Variants in LRRK1 observed in about 807,000 individuals in gnomAD.
LRRK1 encodes leucine rich repeat kinase 1, also known as leucine-rich repeat serine/threonine-protein kinase 1.
In LRRK1, 113 loss-of-function variants were observed where a neutral mutation model predicts 209.1. The ratio of observed to expected loss-of-function variants is 0.54; its 90% CI spans 0.46 to 0.63. The LOEUF (loss-of-function observed/expected upper bound fraction) is 0.63. Among genes scored for constraint, LRRK1 ranks in the 30% least tolerant of loss-of-function variants. The pLI is 0.00. For missense variants in LRRK1, 2,284 were observed against 2,632.2 expected (o/e 0.87, Z 2.89); for synonymous variants, 1,144 against 1,099.7 (o/e 1.04, Z -0.80).
intron 20 of LRRK1, among the ~76,000 whole-genome samples, chr15:101,033,338 C>G (rs565122752): frequency 6.6e-6 from 1 of 152,108 alleles, no homozygotes; most frequent in African/African-American, 2.4e-5. Flanking sequence ...TGCTAACTAT[C>G]GTCACCCTAG....
chr15:101,026,196 C>T, intron 17 of LRRK1, 59 bp downstream of exon 17: 1 of 1,528,714 alleles, frequency 6.5e-7, no homozygotes, highest in Non-Finnish European at 9.0e-7. Flanking sequence ...GCTGATCTTT[C>T]CTGGGATCAG....
chr15:100,970,160 G>T (rs1431086786), intron 2 of LRRK1, among the ~76,000 whole-genome samples: 2 of 152,134 alleles, frequency 1.3e-5, no homozygotes, highest in Non-Finnish European at 2.9e-5. Context: ...AAAGTGCTGG[G>T]ATTATAGGCA....
At chr15:101,011,391 G>C (rs147301616) in intron 9 of LRRK1, among the ~76,000 whole-genome samples, 2 of 150,796 alleles carry the variant, frequency 1.3e-5, no homozygotes, top group East Asian at 3.9e-4. Context: ...CCAGGGAATT[G>C]CTTTTACCGG....
intron 31 of LRRK1, chr15:101,065,114 T>C: frequency 1.7e-6 from 1 of 575,248 alleles, no homozygotes; most frequent in Non-Finnish European, 3.1e-6. Context: ...AGGCCCTGCC[T>C]CTGGGTGGCA....
At position 101,049,551 on chromosome 15, in the gene LRRK1, G is replaced by A. The variant is rs377225363; in HGVS notation, c.3300-93G>A. 553 of 1,447,334 alleles carry A rather than the reference G, an allele frequency of 3.8e-4. 6 individuals carry two copies. The East Asian group carries it at 7.7e-3, about 20-fold the overall frequency. The allele number at this position is 1,447,334 out of a possible 1,614,324, so 89.7% of individuals were successfully genotyped here. ...GGGCACAGAGTCTCTCCAGGTCCCCGGGGGTTGGTTCCTGTCCCTGGGGGT... is the reference window on the plus strand; with the variant it reads ...GGGCACAGAGTCTCTCCAGGTCCCCAGGGGTTGGTTCCTGTCCCTGGGGGT... On this transcript the variant is annotated intron_variant, in intron 22 of 33. Coordinates refer to ENST00000388948, the MANE Select transcript of LRRK1 (RefSeq NM_024652.6).
At chr15:100,925,425 G>A (rs914320254) in intron 2 of LRRK1, among the ~76,000 whole-genome samples, 3 of 152,196 alleles carry the variant, frequency 2.0e-5, no homozygotes, top group Non-Finnish European at 4.4e-5. Flanking sequence ...TGCAGTTATT[G>A]ACCTAATCCT....
chr15:100,972,063 A>G (rs1486278236), intron 2 of LRRK1, among the ~76,000 whole-genome samples: 1 of 151,984 alleles, frequency 6.6e-6, no homozygotes, highest in Non-Finnish European at 1.5e-5. Flanking sequence ...CCTGGGTTCA[A>G]GTGATCCTCG....
intron 12 of LRRK1, among the ~76,000 whole-genome samples, chr15:101,019,636 C>T (rs1448977388): frequency 1.3e-5 from 2 of 152,114 alleles, no homozygotes; most frequent in Admixed American, 1.3e-4. Flanking sequence ...AGAGCCGAGG[C>T]GGGGTAGCTA....
At chr15:100,991,067 C>T (rs1362678185) in intron 6 of LRRK1, among the ~76,000 whole-genome samples, 2 of 152,192 alleles carry the variant, frequency 1.3e-5, no homozygotes, top group Non-Finnish European at 2.9e-5. Context: ...AGATAGCCAG[C>T]TACTCTAGCA....
intron 16 of LRRK1, among the ~76,000 whole-genome samples, chr15:101,025,706 C>T (rs1208631380): frequency 6.6e-6 from 1 of 152,210 alleles, no homozygotes; most frequent in Non-Finnish European, 1.5e-5. Flanking sequence ...CCCATTACTG[C>T]AGGAAGGTGC....
intron 6 of LRRK1, among the ~76,000 whole-genome samples, chr15:100,998,902 A>G (rs1418114790): frequency 6.6e-6 from 1 of 152,166 alleles, no homozygotes; most frequent in African/African-American, 2.4e-5. Context: ...GTGGGTGGAT[A>G]GATGGATGGA....
chr15:100,952,915 T>C (rs1231659536), intron 2 of LRRK1, among the ~76,000 whole-genome samples: 1 of 152,238 alleles, frequency 6.6e-6, no homozygotes, highest in East Asian at 1.9e-4. Context: ...CAAAATTAAC[T>C]CTAGGGCCAC....
In LRRK1 at chr15:100,948,793, A is replaced by G. The variant is rs377294785; in HGVS notation, c.97+24064A>G. Among the ~76,000 whole-genome samples, 30 of 152,334 alleles carry G rather than the reference A, an allele frequency of 2.0e-4. 2 individuals are homozygous for G. The highest frequency in any genetic ancestry group is 7.8e-4 in the Admixed American group (12 of 15,300). On this transcript the variant is annotated intron_variant, in intron 2 of 33. Transcript: ENST00000388948. The stretch of plus-strand genomic sequence containing the variant: ...AAAGAACGAATGTGTTAAAGAAGAA[A>G]TCACAAAAAAACAGAATATACTTTG...
rs774200756 is a variant in LRRK1, at chr15:101,024,779, G to A, written c.2068-24G>A. On this transcript the variant is annotated intron_variant, in intron 15 of 33. Transcript: ENST00000388948. The surrounding 1 kb of genome is among the most constrained non-coding windows in gnomAD (Gnocchi z 4.6). ...GCCTTTGTCTCTAAAATGCCTCCCT[G>A]TCGCTGCCTTGTTGCTCAAGTAGGT... is the stretch of plus-strand genomic sequence containing the variant. The A allele has an allele frequency of 1.9e-6, 3 of 1,601,210 alleles. No individual in the cohort carries two copies. Among genetic ancestry groups the A allele is most frequent in the Non-Finnish European group, 2.6e-6 (3 of 1,169,420 alleles).
At chr15:101,034,911 T>C (rs2141110668) in intron 20 of LRRK1, among the ~76,000 whole-genome samples, 1 of 152,230 alleles carries the variant, frequency 6.6e-6, no homozygotes, top group South Asian at 2.1e-4. Context: ...TCTGATGATC[T>C]TTTGTATTTC....
chr15:101,031,079 G>A lies in LRRK1; in HGVS notation c.2963+1847G>A, dbSNP rs2034259732. Among the ~76,000 whole-genome samples the A allele has an allele frequency of 2.6e-5, 4 of 152,210 alleles. No individual in the cohort carries two copies. The South Asian group carries it at 8.3e-4, about 32-fold the overall frequency. On this transcript the variant is annotated intron_variant, in intron 20 of 33. Coordinates refer to ENST00000388948, the MANE Select transcript of LRRK1 (RefSeq NM_024652.6). ...TCTCCTCCAGGTCACTGCAAATGCT[G>A]TTAATTCATCCCTTTTTATGGCTGA...
intron 2 of LRRK1, among the ~76,000 whole-genome samples, chr15:100,947,740 G>A (rs1323094091): frequency 6.6e-6 from 1 of 152,196 alleles, no homozygotes; most frequent in East Asian, 1.9e-4. Context: ...CATGAAGACA[G>A]GAAGCTATCA....
intron 2 of LRRK1, among the ~76,000 whole-genome samples, chr15:100,972,934 A>C (rs72765055): frequency 2.6e-5 from 4 of 151,528 alleles, no homozygotes; most frequent in South Asian, 2.1e-4. Context: ...ACACACACAC[A>C]CACCCAGTTT....
rs375787503 is a variant in LRRK1 at position 101,037,085 on chromosome 15, A to G, written c.2963+7853A>G. Among the ~76,000 whole-genome samples the G allele has an allele frequency of 5.3e-3, 800 of 152,310 alleles. 5 individuals are homozygous for G. The highest frequency in any genetic ancestry group is 0.019 in the African/African-American group (777 of 41,568). On this transcript the variant is annotated intron_variant, in intron 20 of 33. Coordinates refer to ENST00000388948, the MANE Select transcript of LRRK1 (RefSeq NM_024652.6). ...CAGACAGGCCTATTCTTGGGCTTCCAGGAGGCTTACTTGGATGTTGGTAGT... is the reference window on the plus strand; with the variant it reads ...CAGACAGGCCTATTCTTGGGCTTCCGGGAGGCTTACTTGGATGTTGGTAGT...
Sources: gnomAD v4.1 joint callset for allele counts (sites outside exome capture counted in the v4.1 genomes callset) on GRCh38, gnomAD v4.1.1 for gene constraint, Gnocchi (gnomAD v3.1) non-coding constraint, MANE v1.5 for transcripts, NCBI Gene and HGNC (gene_info 2026-07-23, HGNC 2026-07-21) for gene names.